Variants in DCAF7 observed in about 807,000 individuals in gnomAD.
DCAF7 encodes DDB1 and CUL4 associated factor 7.
A neutral mutation model predicts 41.2 loss-of-function variants in DCAF7; 4 were observed. The observed-to-expected ratio is 0.10, with a 90% CI of 0.05 to 0.22. The LOEUF (loss-of-function observed/expected upper bound fraction) is 0.22, where lower values mean the gene tolerates loss of function less well. Among genes scored for constraint, DCAF7 ranks in the 10% least tolerant of loss-of-function variants. The pLI, the probability that DCAF7 is intolerant of heterozygous loss-of-function variation, is 1.00. For synonymous variants in DCAF7, 143 were observed against 164.2 expected, an observed-to-expected ratio of 0.87 and a Z score of 0.99; for missense variants, 131 against 443.2, an observed-to-expected ratio of 0.30 and a Z score of 6.32.
intron 4 of DCAF7, among the ~76,000 whole-genome samples, chr17:63,581,357 A>G (rs2033620780): frequency 6.6e-6 from 1 of 152,212 alleles, no homozygotes; most frequent in African/African-American, 2.4e-5. Flanking sequence ...TATACAGAAG[A>G]TGGTAAAGCT....
intron 1 of DCAF7, among the ~76,000 whole-genome samples, chr17:63,556,091 C>A (rs1252519654): frequency 6.6e-6 from 1 of 152,184 alleles, no homozygotes; most frequent in African/African-American, 2.4e-5. Context: ...TAGAAAAGAC[C>A]AGGAAAAGCT....
chr17:63,587,193 T>A (rs2033686109), intron 6 of DCAF7, among the ~76,000 whole-genome samples: 1 of 152,192 alleles, frequency 6.6e-6, no homozygotes, highest in South Asian at 2.1e-4. Flanking sequence ...ATTTGAGCAT[T>A]ATTTGGAAGG....
intron 2 of DCAF7, 149 bp downstream of exon 2, chr17:63,578,777 C>A: frequency 8.9e-7 from 1 of 1,119,876 alleles, no homozygotes. Context: ...GGACTGGCCT[C>A]GTTTGGCTCA....
At chr17:63,559,583 C>T (rs2033358540) in intron 1 of DCAF7, among the ~76,000 whole-genome samples, 1 of 151,156 alleles carries the variant, frequency 6.6e-6, no homozygotes, top group South Asian at 2.1e-4. Context: ...GGGTGGATCG[C>T]CTAAGGTCAG....
chr17:63,569,486 A>G (rs952716936), intron 1 of DCAF7, among the ~76,000 whole-genome samples: 3 of 152,150 alleles, frequency 2.0e-5, no homozygotes, highest in Admixed American at 2.0e-4. Flanking sequence ...AAATTCCAAC[A>G]GTACCACCAG....
At chr17:63,582,382 C>G (rs763010060) in intron 4 of DCAF7, among the ~76,000 whole-genome samples, 1 of 152,050 alleles carries the variant, frequency 6.6e-6, no homozygotes, top group Non-Finnish European at 1.5e-5. Flanking sequence ...TGTTATTATC[C>G]CCAGAAGATG....
chr17:63,582,223 T>C (rs2033630206), intron 4 of DCAF7, among the ~76,000 whole-genome samples: 1 of 152,072 alleles, frequency 6.6e-6, no homozygotes, highest in African/African-American at 2.4e-5. Context: ...AAGACAAGCA[T>C]AATTTCTTCA....
At chr17:63,567,120 T>TA (rs34480462) in intron 1 of DCAF7, among the ~76,000 whole-genome samples, 27 of 151,962 alleles carry the variant, frequency 1.8e-4, no homozygotes, top group Non-Finnish European at 2.9e-4. Flanking sequence ...TATGCTTTTT[T>TA]AAAAAAAGAA....
chr17:63,563,403 C>A (rs957066837), intron 1 of DCAF7, among the ~76,000 whole-genome samples: 1 of 152,164 alleles, frequency 6.6e-6, no homozygotes, highest in Non-Finnish European at 1.5e-5. Context: ...ATGTTAGTTG[C>A]TACAGTCTAT....
At chr17:63,559,374 T>C (rs1206872584) in intron 1 of DCAF7, among the ~76,000 whole-genome samples, 9 of 84,818 alleles carry the variant, frequency 1.1e-4, no homozygotes, top group African/African-American at 3.2e-4. Flanking sequence ...TATATATATA[T>C]GTGTATATAT....
chr17:63,574,446 A>G (rs2033539573), intron 1 of DCAF7, among the ~76,000 whole-genome samples: 1 of 152,172 alleles, frequency 6.6e-6, no homozygotes, highest in Admixed American at 6.6e-5. Context: ...ATGATTGTTG[A>G]AAGTCTGTGG....
intron 2 of DCAF7, 94 bp from the exon 3 acceptor site, chr17:63,579,243 T>C (rs371237358): frequency 3.7e-6 from 3 of 809,142 alleles, no homozygotes; most frequent in East Asian, 2.7e-5. Flanking sequence ...TCATGTCTTA[T>C]GTTTGCTAAG....
intron 4 of DCAF7, among the ~76,000 whole-genome samples, chr17:63,582,510 C>T (rs1044968516): frequency 6.6e-6 from 1 of 151,778 alleles, no homozygotes; most frequent in African/African-American, 2.4e-5. Flanking sequence ...TCGCTCTGTC[C>T]CAGGCTGGAG....
intron 1 of DCAF7, among the ~76,000 whole-genome samples, chr17:63,564,204 A>T (rs1180773300): frequency 6.6e-6 from 1 of 151,822 alleles, no homozygotes; most frequent in Non-Finnish European, 1.5e-5. Flanking sequence ...GTTTGATTTT[A>T]TATGATGTGA....
chr17:63,572,641 G>A (rs988015695), intron 1 of DCAF7, among the ~76,000 whole-genome samples: 1 of 152,182 alleles, frequency 6.6e-6, no homozygotes, highest in African/African-American at 2.4e-5. Flanking sequence ...GGGGTTTCAT[G>A]CTCCCTGGTG....
At chr17:63,559,750 C>T (rs1236774216) in intron 1 of DCAF7, among the ~76,000 whole-genome samples, 1 of 151,574 alleles carries the variant, frequency 6.6e-6, no homozygotes, top group African/African-American at 2.4e-5. Flanking sequence ...TGCAGTGAGC[C>T]GAGATGGCAC....
intron 1 of DCAF7, among the ~76,000 whole-genome samples, chr17:63,560,151 A>G (rs1456852799): frequency 6.6e-6 from 1 of 152,206 alleles, no homozygotes; most frequent in African/African-American, 2.4e-5. Context: ...TAAGAAAAAA[A>G]AAAAATGGAG....
chr17:63,576,041 T>C (rs79866947), intron 1 of DCAF7, among the ~76,000 whole-genome samples: 1,714 of 152,272 alleles, frequency 0.011, 26 homozygotes, highest in African/African-American at 0.038. Flanking sequence ...CAGAAATAGA[T>C]GAATAAATAC....
intron 1 of DCAF7, among the ~76,000 whole-genome samples, chr17:63,574,292 G>A (rs1344726741): frequency 6.6e-6 from 1 of 151,956 alleles, no homozygotes; most frequent in Non-Finnish European, 1.5e-5. Flanking sequence ...CCTCTCAATT[G>A]TTATCGATTA....
Sources: gnomAD v4.1 joint callset for allele counts (sites outside exome capture counted in the v4.1 genomes callset) on GRCh38, gnomAD v4.1.1 for gene constraint, MANE v1.5 for transcripts, NCBI Gene and HGNC (gene_info 2026-07-23, HGNC 2026-07-21) for gene names.